Variants in GPR107 observed in about 807,000 individuals in gnomAD.
GPR107 encodes G protein-coupled receptor 107, also known as protein GPR107.
GPR107 carries 31 observed loss-of-function variants against 75.5 expected under a neutral mutation model. The observed-to-expected ratio is 0.41, with a 90% CI of 0.31 to 0.55. The LOEUF (loss-of-function observed/expected upper bound fraction) is 0.55. Ranked by LOEUF, GPR107 falls within the 20% of genes least tolerant of loss-of-function variation. GPR107 has a pLI of 0.26. For missense variants in GPR107, 572 were observed against 665.7 expected (o/e 0.86, Z 1.55); for synonymous variants, 267 against 251.3 (o/e 1.06, Z -0.59).
chr9:130,114,760 A>G, intron 14 of GPR107: 3 of 919,722 alleles, frequency 3.3e-6, no homozygotes, highest in Non-Finnish European at 4.0e-6. Context: ...GGAATTTTTA[A>G]AAGTGTGAAA....
In GPR107 at chr9:130,138,071, G is replaced by C. The variant is rs73670515; in HGVS notation, c.*2950G>C. The C allele has an allele frequency of 0.012, 1,850 of 152,308 alleles. 28 individuals are homozygous for C. Among genetic ancestry groups the C allele is most frequent in the African/African-American group, 0.037 (1,548 of 41,564 alleles). 9.4% of individuals were successfully genotyped at this position (152,308 alleles called of 1,614,324 possible). A position where few individuals can be genotyped will look rare whatever the true frequency, so the allele number is the denominator to read the frequency against. ...TCTGTAAATCCTGGCTCTTAACAGT[G>C]AGTGGCCAAGGACTTGATCAGCCCA... On this transcript the variant is annotated 3_prime_UTR_variant, in exon 18 of 18. Coordinates refer to ENST00000347136, the MANE Select transcript of GPR107 (RefSeq NM_020960.5).
intron 14 of GPR107, among the ~76,000 whole-genome samples, chr9:130,120,066 C>T (rs953239419): frequency 6.6e-6 from 1 of 152,160 alleles, no homozygotes; most frequent in African/African-American, 2.4e-5. Flanking sequence ...GCTCAGCCTC[C>T]CAAAGTACTG....
At chr9:130,088,027 A>C (rs1213942918) in intron 7 of GPR107, among the ~76,000 whole-genome samples, 1 of 152,052 alleles carries the variant, frequency 6.6e-6, no homozygotes, top group Non-Finnish European at 1.5e-5. Flanking sequence ...TATGTTCTTT[A>C]AGCTTAGTAA....
At chr9:130,083,535 G>A (rs1207349590) in intron 5 of GPR107, 30 bp from the exon 6 acceptor site, 1 of 1,455,580 alleles carries the variant, frequency 6.9e-7, no homozygotes, top group Admixed American at 2.6e-5. Flanking sequence ...GAGTCATGCA[G>A]CACTCTCTTT....
chr9:130,107,993 G>A (rs1831201513), intron 14 of GPR107, among the ~76,000 whole-genome samples: 1 of 152,228 alleles, frequency 6.6e-6, no homozygotes, highest in Non-Finnish European at 1.5e-5. Context: ...GATGACAGAA[G>A]GAACCTTGAA....
chr9:130,093,390 G>T (rs777612779), intron 9 of GPR107, among the ~76,000 whole-genome samples: 1 of 152,108 alleles, frequency 6.6e-6, no homozygotes, highest in Non-Finnish European at 1.5e-5. Context: ...GATAGTATGC[G>T]AATATGCTAT....
chr9:130,059,488 CA>C (rs200750236), intron 1 of GPR107, among the ~76,000 whole-genome samples: 11 of 149,472 alleles, frequency 7.4e-5, no homozygotes, highest in African/African-American at 2.2e-4. Flanking sequence ...ACTCCCATCT[CA>C]AAAAAAAATA....
intron 1 of GPR107, among the ~76,000 whole-genome samples, chr9:130,066,403 A>G (rs200885133): frequency 3.9e-5 from 1 of 25,948 alleles, no homozygotes; most frequent in African/African-American, 6.3e-5. Context: ...GATGATGGTG[A>G]TGATGACGAC....
At position 130,090,904 on chromosome 9, in the gene GPR107, A is replaced by G; in HGVS notation, c.650A>G (p.Gln217Arg). ...QFFFNISTDD[Q>R]EGLYSLYFHK... ...TTCTTTAACATCAGCACTGATGACCAAGAAGGCCTTTACAGTCTTTATTTT... is the reference window on the plus strand; with the variant it reads ...TTCTTTAACATCAGCACTGATGACCGAGAAGGCCTTTACAGTCTTTATTTT... Residue 217 changes from glutamine to arginine, a missense_variant, in exon 8 of 18, where the codon CAA becomes CGA. Transcript: ENST00000347136. 1 of 1,510,368 alleles carries G rather than the reference A, an allele frequency of 6.6e-7. No homozygotes were observed. The highest frequency in any genetic ancestry group is 9.2e-7 in the Non-Finnish European group (1 of 1,086,660). The allele number at this position is 1,510,368 out of a possible 1,614,324, so 93.6% of individuals were successfully genotyped here. A position where few individuals can be genotyped will look rare whatever the true frequency, so the allele number is the denominator to read the frequency against.
intron 12 of GPR107, 103 bp downstream of exon 12, chr9:130,101,326 C>T (rs750182901): frequency 3.9e-5 from 28 of 710,972 alleles, no homozygotes; most frequent in Non-Finnish European, 7.0e-5. Flanking sequence ...CCTGAAACCC[C>T]AGCTTCTGCT....
intron 6 of GPR107, among the ~76,000 whole-genome samples, chr9:130,084,210 C>A (rs1194012341): frequency 6.6e-6 from 1 of 150,972 alleles, no homozygotes; most frequent in South Asian, 2.1e-4. Context: ...CCAGCCTGGC[C>A]AACATAGTGA....
chr9:130,133,496 C>T (rs1354928471), intron 17 of GPR107, among the ~76,000 whole-genome samples: 3 of 152,166 alleles, frequency 2.0e-5, no homozygotes, highest in South Asian at 2.1e-4. Flanking sequence ...GGGGCTGCTA[C>T]GTGGCTCGGG....
chr9:130,070,710 A>AT (rs1016117182), intron 1 of GPR107, among the ~76,000 whole-genome samples: 5 of 151,402 alleles, frequency 3.3e-5, no homozygotes, highest in African/African-American at 4.9e-5. Flanking sequence ...GTGGGTAACA[A>AT]TTTTTTTTTC....
At chr9:130,085,199 G>C (rs1269383330) in intron 6 of GPR107, among the ~76,000 whole-genome samples, 3 of 152,154 alleles carry the variant, frequency 2.0e-5, no homozygotes, top group African/African-American at 7.2e-5. Flanking sequence ...TTGTTAGAAG[G>C]ACCAGGAAGG....
intron 10 of GPR107, among the ~76,000 whole-genome samples, chr9:130,100,319 G>A (rs1424706934): frequency 3.3e-5 from 5 of 152,200 alleles, no homozygotes. Context: ...TGAGAATTGA[G>A]CCTCAGCTTT....
intron 14 of GPR107, among the ~76,000 whole-genome samples, chr9:130,120,500 T>C (rs950173702): frequency 5.3e-5 from 8 of 152,186 alleles, no homozygotes; most frequent in Non-Finnish European, 8.8e-5. Flanking sequence ...TCCTTCCCTG[T>C]GAAAGGAGAG....
chr9:130,114,099 T>C (rs1471513197), intron 14 of GPR107, among the ~76,000 whole-genome samples: 1 of 143,922 alleles, frequency 6.9e-6, no homozygotes, highest in Non-Finnish European at 1.5e-5. Context: ...CCAGGCACAG[T>C]GGCTTATGCC....
intron 7 of GPR107, among the ~76,000 whole-genome samples, 184 bp downstream of exon 7, chr9:130,086,660 T>C (rs1360001792): frequency 6.6e-6 from 1 of 152,176 alleles, no homozygotes; most frequent in African/African-American, 2.4e-5. Flanking sequence ...CATCTACTTA[T>C]CAAATCAGAA....
chr9:130,054,125 G>C, intron 1 of GPR107, 52 bp downstream of exon 1: 2 of 1,481,202 alleles, frequency 1.4e-6, no homozygotes, highest in Non-Finnish European at 1.8e-6. Context: ...CCACTCCCCG[G>C]GTTTTAGGGC....
Sources: gnomAD v4.1 joint callset for allele counts (sites outside exome capture counted in the v4.1 genomes callset) on GRCh38, gnomAD v4.1.1 for gene constraint, MANE v1.5 for transcripts, NCBI Gene and HGNC (gene_info 2026-07-23, HGNC 2026-07-21) for gene names.